Variants in VPS37B observed in about 807,000 individuals in gnomAD.
VPS37B encodes VPS37B subunit of ESCRT-I, also known as vacuolar protein sorting-associated protein 37B.
A neutral mutation model predicts 21.2 loss-of-function variants in VPS37B; 11 were observed. The ratio of observed to expected loss-of-function variants is 0.52; its 90% CI spans 0.33 to 0.86. The LOEUF is 0.86. Ranked by LOEUF, VPS37B falls within the 40% of genes least tolerant of loss-of-function variation. VPS37B has a pLI of 0.03. For synonymous variants in VPS37B, 175 were observed against 159.6 expected (o/e 1.10, Z -0.73); for missense variants, 389 against 374.8 (o/e 1.04, Z -0.31).
At chr12:122,873,890 T>A (rs1366885796) in intron 1 of VPS37B, 2 of 152,086 alleles carry the variant, frequency 1.3e-5, no homozygotes, top group Admixed American at 1.3e-4. Flanking sequence ...GCTGAATGAA[T>A]CAGAGAGCCC....
chr12:122,875,648 C>G (rs893006613), intron 1 of VPS37B: 3 of 152,010 alleles, frequency 2.0e-5, no homozygotes, highest in African/African-American at 7.3e-5. Context: ...AAAGCAAAGG[C>G]AAATTGGCCA....
At chr12:122,870,433 G>A (rs74985067) in intron 2 of VPS37B, 6,693 of 155,044 alleles carry the variant, frequency 0.043, 207 homozygotes, top group East Asian at 0.18. Context: ...CGCAGGTCTG[G>A]GGGCCCTCCA....
chr12:122,870,719 C>G, intron 2 of VPS37B, 171 bp downstream of exon 2: 1 of 679,044 alleles, frequency 1.5e-6, no homozygotes, highest in East Asian at 3.1e-5. Flanking sequence ...GAGCAAGACC[C>G]TGTCTCTAAA....
Position 122,865,930 on chromosome 12 carries a change from G to C in VPS37B, c.*1186C>G, listed in dbSNP as rs2033889731. On this transcript the variant is annotated 3_prime_UTR_variant, in exon 4 of 4. Coordinates refer to ENST00000267202, the MANE Select transcript of VPS37B (RefSeq NM_024667.3). ...GGGGAAGAGCAGGTGCAGACGGTTG[G>C]AGTGCAGCCCCGTCCCTCAATCCCA... The C allele has an allele frequency of 6.6e-6, 1 of 152,438 alleles. No homozygotes were observed. The highest frequency in any genetic ancestry group is 1.5e-5 in the Non-Finnish European group (1 of 68,160). 9.4% of individuals were successfully genotyped at this position (152,438 alleles called of 1,614,324 possible).
chr12:122,891,381 T>C (rs1262940063), intron 1 of VPS37B, among the ~76,000 whole-genome samples: 2 of 152,260 alleles, frequency 1.3e-5, no homozygotes, highest in African/African-American at 4.8e-5. Flanking sequence ...CTCTAAAAGA[T>C]AGGCATATTA....
At chr12:122,872,562 T>C (rs1266292233) in intron 1 of VPS37B, 9 of 985,300 alleles carry the variant, frequency 9.1e-6, no homozygotes, top group Non-Finnish European at 1.1e-5. Flanking sequence ...CTCGGGTTTC[T>C]GGTAAGCAGT....
intron 1 of VPS37B, chr12:122,875,012 AT>A (rs1341326761): frequency 3.4e-5 from 5 of 145,194 alleles, no homozygotes; most frequent in African/African-American, 1.3e-4. Flanking sequence ...ACTGGCAGTG[AT>A]TTTTTAAATA....
intron 1 of VPS37B, chr12:122,890,219 T>C (rs968413141): frequency 1.3e-5 from 2 of 152,236 alleles, no homozygotes; most frequent in African/African-American, 4.8e-5. Context: ...TCTTTTGTTT[T>C]GTGGGAACGT....
chr12:122,879,790 A>C (rs1459237534), intron 1 of VPS37B: 2 of 152,078 alleles, frequency 1.3e-5, no homozygotes, highest in Non-Finnish European at 2.9e-5. Flanking sequence ...CTAGCGCAGT[A>C]CCCAGGCTAA....
intron 1 of VPS37B, chr12:122,875,887 T>C (rs1007899973): frequency 2.6e-5 from 4 of 152,114 alleles, no homozygotes; most frequent in African/African-American, 9.7e-5. Flanking sequence ...CCACTGTCTT[T>C]GTTTCATGGT....
intron 1 of VPS37B, chr12:122,888,335 A>C (rs1593923808): frequency 3.0e-6 from 1 of 332,048 alleles, no homozygotes; most frequent in South Asian, 2.4e-5. Flanking sequence ...GAAATTCTAC[A>C]AAGGCATTTC....
chr12:122,868,859 A>C lies in VPS37B; in HGVS notation c.284-297T>G, dbSNP rs2033962306. ...TTGAGTGGTAACTTACATCGAGTAT[A>C]CACATCTCAAGTGTGTAAGTCAAAT... On this transcript the variant is annotated intron_variant, in intron 2 of 3. Coordinates refer to ENST00000267202, the MANE Select transcript of VPS37B (RefSeq NM_024667.3). The surrounding 1 kb of genome is among the most constrained non-coding windows in gnomAD (Gnocchi z 5.5). Among the ~76,000 whole-genome samples the C allele has an allele frequency of 6.6e-6, 1 of 152,160 alleles. No individual in the cohort carries two copies. Among genetic ancestry groups the C allele is most frequent in the African/African-American group, 2.4e-5 (1 of 41,414 alleles).
At chr12:122,869,389 G>T (rs562590935) in intron 2 of VPS37B, among the ~76,000 whole-genome samples, 16 of 152,330 alleles carry the variant, frequency 1.1e-4, no homozygotes, top group African/African-American at 3.6e-4. Flanking sequence ...AGAAAAGGAG[G>T]TGGCTGTGGC....
intron 1 of VPS37B, chr12:122,871,497 C>G: frequency 1.0e-6 from 1 of 988,122 alleles, no homozygotes; most frequent in African/African-American, 1.7e-5. Flanking sequence ...GGCATGATGT[C>G]AATTCAGGCT....
In VPS37B at chr12:122,872,238, C is replaced by T. The variant is rs1342042344; in HGVS notation, c.112-1177G>A. ...ACGCACCACACACACAAGGAAGAGC[C>T]TCAGGGAATCAGAGAACAAAGAAAG... On this transcript the variant is annotated intron_variant, in intron 1 of 3. Coordinates refer to ENST00000267202, the MANE Select transcript of VPS37B (RefSeq NM_024667.3). 4.1e-6 allele frequency: 4 copies of T among 985,306 alleles called. No homozygotes were observed. In the African/African-American group the frequency reaches 7.0e-5, roughly 17 times the overall value. 61.0% of individuals were successfully genotyped at this position (985,306 alleles called of 1,614,324 possible).
At chr12:122,892,248 G>T (rs183100079) in intron 1 of VPS37B, among the ~76,000 whole-genome samples, 1 of 152,312 alleles carries the variant, frequency 6.6e-6, no homozygotes, top group Admixed American at 6.5e-5. Context: ...TGAACAGGAG[G>T]AACAGGAAGA....
In VPS37B at chr12:122,867,168, T is replaced by C; in HGVS notation, c.806A>G (p.Gln269Arg). Reference sequence around the variant, plus strand: ...TGGAGGGAGCCGGGGCGGGGGTCTCTGAGGGAGAGGTGGCGGATATGGGGA... The same window carrying C: ...TGGAGGGAGCCGGGGCGGGGGTCTCCGAGGGAGAGGTGGCGGATATGGGGA... ...FVSPYPPPLP[Q>R]RPPPRLPPHQ... is the part of the protein sequence containing the mutation. The change falls in exon 4 of 4, where the codon CAG becomes CGG. Residue 269 changes from glutamine (Q) to arginine (R), a missense_variant. Coordinates refer to ENST00000267202, the MANE Select transcript of VPS37B (RefSeq NM_024667.3). The surrounding 1 kb of genome is among the most constrained non-coding windows in gnomAD (Gnocchi z 5.5). 3 of 1,557,844 alleles carry C rather than the reference T, an allele frequency of 1.9e-6. No individual in the cohort carries two copies. Among genetic ancestry groups the C allele is most frequent in the South Asian group, 1.2e-5 (1 of 81,044 alleles).
intron 1 of VPS37B, chr12:122,872,626 T>C: frequency 8.1e-6 from 8 of 985,452 alleles, no homozygotes; most frequent in Non-Finnish European, 8.4e-6. Context: ...ATGGGCTTTC[T>C]ATGCCAGGCC....
chr12:122,881,800 CCTT>C (rs1420122662), intron 1 of VPS37B: 1 of 152,044 alleles, frequency 6.6e-6, no homozygotes. Context: ...CCTATTTATA[CCTT>C]TTTTAAAAAA....
Sources: allele counts gnomAD v4.1 joint callset (sites outside exome capture counted in the v4.1 genomes callset), GRCh38; gene constraint gnomAD v4.1.1; non-coding constraint Gnocchi (gnomAD v3.1); transcripts MANE v1.5; gene names NCBI Gene and HGNC (gene_info 2026-07-23, HGNC 2026-07-21).